LCA5: variants seen among roughly 807,000 people sequenced by gnomAD.
LCA5 encodes the protein lebercilin LCA5, also known as lebercilin.
A neutral mutation model predicts 53.0 loss-of-function variants in LCA5; 37 were observed. The ratio of observed to expected loss-of-function variants is 0.70; its 90% CI spans 0.54 to 0.92. The LOEUF is 0.92. LCA5 is among the 40% of genes least tolerant of loss of function. The probability of loss-of-function intolerance (pLI) is 0.00; values close to 1 mark genes in which losing one functional copy is unlikely to be tolerated. For synonymous variants in LCA5, 303 were observed against 282.9 expected (o/e 1.07, Z -0.71); for missense variants, 806 against 790.5 (o/e 1.02, Z -0.23).
At chr6:79,488,914 T>A in intron 7 of LCA5, 170 bp downstream of exon 7, 1 of 710,584 alleles carries the variant, frequency 1.4e-6, no homozygotes, top group Non-Finnish European at 2.4e-6. Flanking sequence ...CTTAATAACA[T>A]TATTCAAATG....
rs138356495 is a variant in LCA5 at position 79,529,829 on chromosome 6, T to G, written c.-192+7336A>C. Among the ~76,000 whole-genome samples the G allele has an allele frequency of 6.0e-3, 913 of 151,792 alleles. 6 individuals carry two copies. Among genetic ancestry groups the G allele is most frequent in the Middle Eastern group, 0.014 (4 of 292 alleles). On this transcript the variant is annotated intron_variant, in intron 1 of 7. Transcript: ENST00000369846. ...GGGACATGGATGAAGGTGGATACCATCATTCTCAGCAAACTATTGCAAGGA... is the reference window on the plus strand; with the variant it reads ...GGGACATGGATGAAGGTGGATACCAGCATTCTCAGCAAACTATTGCAAGGA...
upstream of LCA5, among the ~76,000 whole-genome samples, chr6:79,538,439 C>T (rs1032680051): frequency 6.6e-6 from 1 of 152,106 alleles, no homozygotes; most frequent in African/African-American, 2.4e-5. Flanking sequence ...ACAGACTAAC[C>T]CACCCAAACA....
intron 1 of LCA5, among the ~76,000 whole-genome samples, chr6:79,532,094 C>T (rs1225075859): frequency 7.2e-5 from 11 of 152,170 alleles, no homozygotes; most frequent in Admixed American, 7.2e-4. Context: ...TAAATCCATC[C>T]ACTAAATTAC....
intron 1 of LCA5, among the ~76,000 whole-genome samples, chr6:79,535,873 G>A (rs747817639): frequency 4.6e-5 from 7 of 152,106 alleles, no homozygotes; most frequent in Non-Finnish European, 1.0e-4. Flanking sequence ...ATGGTGGGCC[G>A]AGGAAGAAGA....
intron 6 of LCA5, among the ~76,000 whole-genome samples, chr6:79,491,343 T>C (rs939173559): frequency 6.6e-6 from 1 of 152,130 alleles, no homozygotes; most frequent in African/African-American, 2.4e-5. Context: ...GTTTGTTACA[T>C]ATGTATACAT....
In LCA5 at chr6:79,487,132, C is replaced by T; in HGVS notation, c.1966G>A (p.Gly656Ser). ...CTTCTTCCTTCACTGAGGAAAAAGC[C>T]TTCATCTTCATCATGTTCTTGATCT... The part of the protein sequence containing the change: ...SRDQEHDEDE[G>S]FFLSEGRSFN... Residue 656 changes from glycine (G) to serine (S), a missense_variant, in exon 8 of 8, where the codon GGC becomes AGC. Gly to Ser is a moderately conservative substitution (Grantham distance 56, BLOSUM62 0). Coordinates refer to ENST00000369846, the MANE Select transcript of LCA5 (RefSeq NM_001122769.3). 6.2e-7 allele frequency: 1 copy of T among 1,613,448 alleles called. No individual in the cohort carries two copies. Among genetic ancestry groups the T allele is most frequent in the Non-Finnish European group, 8.5e-7 (1 of 1,179,602 alleles).
intron 3 of LCA5, among the ~76,000 whole-genome samples, chr6:79,494,027 G>T (rs1432740166): frequency 6.6e-6 from 1 of 152,052 alleles, no homozygotes; most frequent in Non-Finnish European, 1.5e-5. Flanking sequence ...TGCTTTGAGA[G>T]GCCTAGGCAG....
At chr6:79,501,003 C>A (rs994994758) in intron 3 of LCA5, among the ~76,000 whole-genome samples, 1 of 152,126 alleles carries the variant, frequency 6.6e-6, no homozygotes, top group Non-Finnish European at 1.5e-5. Flanking sequence ...CCTCTTAGGA[C>A]AAAGGTATCA....
At chr6:79,530,109 AATATAT>A (rs889770370) in intron 1 of LCA5, among the ~76,000 whole-genome samples, 1 of 151,988 alleles carries the variant, frequency 6.6e-6, no homozygotes, top group South Asian at 2.1e-4. Flanking sequence ...GTATAATAAA[AATATAT>A]ATATATAAAC....
chr6:79,493,840 T>C (rs991626489), intron 3 of LCA5, 90 bp from the exon 4 acceptor site: 2 of 1,014,006 alleles, frequency 2.0e-6, no homozygotes, highest in Admixed American at 2.3e-5. Flanking sequence ...ATGTTTTTAG[T>C]GGTATTGTCC....
At chr6:79,494,047 T>C (rs551841646) in intron 3 of LCA5, among the ~76,000 whole-genome samples, 1 of 152,238 alleles carries the variant, frequency 6.6e-6, no homozygotes, top group African/African-American at 2.4e-5. Context: ...GGAGGAGCTC[T>C]TGAGACCAGC....
chr6:79,493,584 T>C (rs759550261), intron 4 of LCA5, 29 bp downstream of exon 4: 9 of 1,589,582 alleles, frequency 5.7e-6, no homozygotes, highest in African/African-American at 2.7e-5. Flanking sequence ...ATACACATTA[T>C]GGAAAACAAT....
At chr6:79,524,600 A>G (rs116349883) in intron 1 of LCA5, among the ~76,000 whole-genome samples, 1,637 of 152,242 alleles carry the variant, frequency 0.011, 36 homozygotes, top group African/African-American at 0.038. Flanking sequence ...CTTGAGCTCT[A>G]TGTAGCAGTA....
chr6:79,535,032 A>G (rs1446781122), intron 1 of LCA5, among the ~76,000 whole-genome samples: 1 of 152,198 alleles, frequency 6.6e-6, no homozygotes, highest in Non-Finnish European at 1.5e-5. Flanking sequence ...TCTTACATTG[A>G]CATATGCTAA....
intron 3 of LCA5, among the ~76,000 whole-genome samples, chr6:79,510,199 C>T (rs1770375338): frequency 6.6e-6 from 1 of 151,988 alleles, no homozygotes; most frequent in African/African-American, 2.4e-5. Flanking sequence ...TAGAAATAAA[C>T]CCATAAAAAT....
At chr6:79,518,478 A>G (rs888289420) in intron 2 of LCA5, among the ~76,000 whole-genome samples, 1 of 152,194 alleles carries the variant, frequency 6.6e-6, no homozygotes, top group African/African-American at 2.4e-5. Context: ...AGGCTTAGCT[A>G]TGTTTCCTTC....
rs113655870 is a variant in LCA5, at chr6:79,521,890, A to T, written c.-191-2805T>A. Among the ~76,000 whole-genome samples, 353 of 152,314 alleles carry T rather than the reference A, an allele frequency of 2.3e-3. 5 individuals are homozygous for T. The highest frequency in any genetic ancestry group is 4.2e-3 in the Non-Finnish European group (284 of 68,022). ...GGACGCTATCAGATACTACTGATGG[A>T]GTGTCAGTCAAATGGACTCAGGAGC... On this transcript the variant is annotated intron_variant, in intron 1 of 7. Coordinates refer to ENST00000369846, the MANE Select transcript of LCA5 (RefSeq NM_001122769.3).
chr6:79,513,388 C>G lies in LCA5; in HGVS notation c.544G>C (p.Glu182Gln), dbSNP rs1766310508. Residue 182 changes from glutamate to glutamine, a missense_variant, in exon 3 of 8, where the codon GAA (glutamate) becomes CAA (glutamine). Physicochemically the swap from Glu to Gln is conservative, Grantham distance 29. Coordinates refer to ENST00000369846, the MANE Select transcript of LCA5 (RefSeq NM_001122769.3). ...KERLRKSQEK[E>Q]RATEKRVKDT... ...TTTACCCTTTTCTCAGTTGCCCGTT[C>G]TTTCTCTTGAGATTTTCTTAAGCGT... is the stretch of plus-strand genomic sequence containing the variant. 1 of 1,613,880 alleles carries G rather than the reference C, an allele frequency of 6.2e-7. No homozygotes were observed. Among genetic ancestry groups the G allele is most frequent in the Non-Finnish European group, 8.5e-7 (1 of 1,179,914 alleles).
intron 1 of LCA5, among the ~76,000 whole-genome samples, chr6:79,536,292 A>G (rs948616049): frequency 6.6e-6 from 1 of 152,234 alleles, no homozygotes; most frequent in African/African-American, 2.4e-5. Flanking sequence ...TACCATTCTA[A>G]AACACATATA....
Sources: allele counts gnomAD v4.1 joint callset (sites outside exome capture counted in the v4.1 genomes callset), GRCh38; gene constraint gnomAD v4.1.1; transcripts MANE v1.5; gene names NCBI Gene and HGNC (gene_info 2026-07-23, HGNC 2026-07-21).